The following RPS6KA2 variants were observed in gnomAD, a reference collection of about 807,000 sequenced individuals.
RPS6KA2 encodes the protein ribosomal protein S6 kinase A2, also known as ribosomal protein S6 kinase alpha-2.
In RPS6KA2, 42 loss-of-function variants were observed where a neutral mutation model predicts 91.8. The ratio of observed to expected loss-of-function variants is 0.46; its 90% CI spans 0.36 to 0.59. The LOEUF is 0.59. RPS6KA2 is among the 20% of genes least tolerant of loss of function. The pLI is 0.00. For synonymous variants in RPS6KA2, 414 were observed against 393.6 expected, an observed-to-expected ratio of 1.05 and a Z score of -0.61; for missense variants, 798 against 978.5, an observed-to-expected ratio of 0.82 and a Z score of 2.46.
In RPS6KA2 at chr6:166,432,612, C is replaced by T. The variant is rs563691520; in HGVS notation, c.1333-122G>A. The T allele has an allele frequency of 1.2e-5, 7 of 598,366 alleles. No homozygotes were observed. The African/African-American group carries it at 1.3e-4, about 11-fold the overall frequency. The allele number at this position is 598,366 out of a possible 1,614,324, so 37.1% of individuals were successfully genotyped here. ...AGGTGGCCCAATCACTACAATCTCA[C>T]ACCCGACCAAGAGATAACCTGAGAT... On this transcript the variant is annotated intron_variant, in intron 14 of 20. Coordinates refer to ENST00000265678, the MANE Select transcript of RPS6KA2 (RefSeq NM_021135.6).
chr6:166,454,481 G>C (rs184769367), intron 12 of RPS6KA2, among the ~76,000 whole-genome samples: 1 of 151,454 alleles, frequency 6.6e-6, no homozygotes, highest in African/African-American at 2.5e-5. Flanking sequence ...CTGGGTGACA[G>C]AGCGAGACTC....
chr6:166,456,639 A>G (rs1780115725), intron 12 of RPS6KA2, among the ~76,000 whole-genome samples: 2 of 152,232 alleles, frequency 1.3e-5, no homozygotes, highest in Admixed American at 1.3e-4. Flanking sequence ...AGGATCTAAC[A>G]TAGAGGATTT....
intron 19 of RPS6KA2, among the ~76,000 whole-genome samples, chr6:166,414,373 C>A (rs960477825): frequency 6.6e-6 from 1 of 152,142 alleles, no homozygotes; most frequent in Non-Finnish European, 1.5e-5. Flanking sequence ...TCAGAAACCG[C>A]AAAATCTACA....
chr6:166,483,716 C>G (rs990519983), intron 10 of RPS6KA2, among the ~76,000 whole-genome samples: 1 of 152,132 alleles, frequency 6.6e-6, no homozygotes, highest in African/African-American at 2.4e-5. Flanking sequence ...AAGGGAGGAC[C>G]CAGGCCTCTG....
chr6:166,669,663 T>C (rs962974960), intron 2 of RPS6KA2, among the ~76,000 whole-genome samples: 2 of 152,336 alleles, frequency 1.3e-5, no homozygotes, highest in Non-Finnish European at 2.9e-5. Flanking sequence ...CTGGGATCCC[T>C]GCTCCTCCCC....
chr6:166,702,583 C>T, intron 2 of RPS6KA2: 1 of 1,483,110 alleles, frequency 6.7e-7, no homozygotes, highest in Non-Finnish European at 9.4e-7. Flanking sequence ...AGGGATATTT[C>T]GTATCTGAAG....
At chr6:166,629,417 T>C (rs576354716), upstream of RPS6KA2, among the ~76,000 whole-genome samples, 1 of 152,334 alleles carries the variant, frequency 6.6e-6, no homozygotes, top group South Asian at 2.1e-4. Context: ...GCAACAAAAC[T>C]GTTCTGTTGA....
intron 2 of RPS6KA2, among the ~76,000 whole-genome samples, chr6:166,695,453 C>T (rs1049329969): frequency 6.6e-6 from 1 of 152,124 alleles, no homozygotes; most frequent in African/African-American, 2.4e-5. Context: ...AGGTTTTATC[C>T]TAAGTGCAGT....
intron 16 of RPS6KA2, among the ~76,000 whole-genome samples, chr6:166,427,749 C>G (rs1004997289): frequency 6.6e-6 from 1 of 151,958 alleles, no homozygotes; most frequent in African/African-American, 2.4e-5. Flanking sequence ...TTACAAGGGA[C>G]GTGAAGGACC....
Position 166,448,808 on chromosome 6 carries a change from C to T in RPS6KA2, c.1248G>A (p.Glu416=). ...AGCCCACCCCGATGTCCTCCTTGAT[C>T]TCGTAGCCATCGGTGAAGTGGATGT... The part of the protein sequence containing the change: ...GNNIHFTDGY[E]IKEDIGVGSY... The change falls in exon 14 of 21, where the codon GAG becomes GAA. Residue 416 remains glutamate (E), a synonymous_variant. Coordinates refer to ENST00000265678, the MANE Select transcript of RPS6KA2 (RefSeq NM_021135.6). The surrounding 1 kb of genome is among the most constrained non-coding windows in gnomAD (Gnocchi z 4.7). 6.2e-7 allele frequency: 1 copy of T among 1,613,906 alleles called. No individual in the cohort carries two copies. The highest frequency in any genetic ancestry group is 8.5e-7 in the Non-Finnish European group (1 of 1,179,934).
intron 2 of RPS6KA2, among the ~76,000 whole-genome samples, chr6:166,692,995 G>A (rs1350040101): frequency 1.3e-5 from 2 of 152,202 alleles, no homozygotes; most frequent in African/African-American, 4.8e-5. Flanking sequence ...GGGATCATCC[G>A]AAACTCAGGA....
chr6:166,567,694 G>C (rs1475763288), intron 1 of RPS6KA2, among the ~76,000 whole-genome samples: 1 of 152,156 alleles, frequency 6.6e-6, no homozygotes, highest in African/African-American at 2.4e-5. Flanking sequence ...TTCGAACAGA[G>C]CTGGGATTGA....
At chr6:166,798,683 T>C (rs1040530058) in intron 2 of RPS6KA2, among the ~76,000 whole-genome samples, 3 of 139,172 alleles carry the variant, frequency 2.2e-5, no homozygotes, top group Non-Finnish European at 4.9e-5. Context: ...ACTTATCATT[T>C]CCAGCTCGTC....
At position 166,660,430 on chromosome 6, in the gene RPS6KA2, GAGA is replaced by G. The variant is rs1478714638; in HGVS notation, c.124-121649_124-121647del. Among the ~76,000 whole-genome samples the G allele has an allele frequency of 1.6e-4, 24 of 151,946 alleles. No homozygotes were observed. In the East Asian group the frequency reaches 4.7e-3, roughly 30 times the overall value. On this transcript the variant is annotated intron_variant, in intron 2 of 21. Transcript: ENST00000503859. ...TGTGTGTGTGTGTGTGTGAGAGAGAGAGAAGAAGGGAGGGAGGAGAGAGATTAC... is the reference window on the plus strand; with the variant it reads ...TGTGTGTGTGTGTGTGTGAGAGAGAGAGAAGGGAGGGAGGAGAGAGATTAC...
intron 2 of RPS6KA2, among the ~76,000 whole-genome samples, chr6:166,532,917 G>C (rs1783338894): frequency 6.6e-6 from 1 of 152,206 alleles, no homozygotes; most frequent in Admixed American, 6.5e-5. Flanking sequence ...GCGATAGCTG[G>C]GGCATCACCC....
chr6:166,451,286 G>C (rs1779907610), intron 12 of RPS6KA2, 53 bp from the exon 13 acceptor site: 1 of 1,604,906 alleles, frequency 6.2e-7, no homozygotes, highest in Admixed American at 1.7e-5. Context: ...GTGACCCTGG[G>C]GTGAAGTGAT....
At chr6:166,820,619 C>T (rs776144111) in intron 2 of RPS6KA2, among the ~76,000 whole-genome samples, 1 of 152,150 alleles carries the variant, frequency 6.6e-6, no homozygotes, top group Admixed American at 6.5e-5. Context: ...GCAGATCTTT[C>T]CACTGTAAAG....
intron 2 of RPS6KA2, among the ~76,000 whole-genome samples, chr6:166,751,523 A>G (rs910002783): frequency 6.6e-6 from 1 of 152,252 alleles, no homozygotes; most frequent in Non-Finnish European, 1.5e-5. Flanking sequence ...CCCAAGGCAG[A>G]TAACAGATGG....
At chr6:166,475,935 T>C in intron 10 of RPS6KA2, 1 of 442,032 alleles carries the variant, frequency 2.3e-6, no homozygotes, top group Non-Finnish European at 4.7e-6. Flanking sequence ...TGTCAATATC[T>C]GTGCAGAAAC....
Sources: allele counts gnomAD v4.1 joint callset (sites outside exome capture counted in the v4.1 genomes callset), GRCh38; gene constraint gnomAD v4.1.1; non-coding constraint Gnocchi (gnomAD v3.1); transcripts MANE v1.5; gene names NCBI Gene and HGNC (gene_info 2026-07-23, HGNC 2026-07-21).